The following FHIT variants were observed in gnomAD, a reference collection of about 807,000 sequenced individuals.
FHIT encodes fragile histidine triad diadenosine triphosphatase, also known as bis(5'-adenosyl)-triphosphatase.
Under a neutral mutation model 17.9 loss-of-function variants are expected in FHIT, and 19 were observed. The observed-to-expected ratio is 1.06, with a 90% CI of 0.74 to 1.56. The LOEUF (loss-of-function observed/expected upper bound fraction) is 1.56. FHIT is among the 40% of genes most tolerant of loss of function. The pLI is 0.00. For synonymous variants in FHIT, 81 were observed against 69.7 expected (o/e 1.16, Z -0.81); for missense variants, 248 against 189.2 (o/e 1.31, Z -1.82).
intron 2 of FHIT, among the ~76,000 whole-genome samples, chr3:61,163,076 G>C (rs1212978304): frequency 6.6e-6 from 1 of 152,128 alleles, no homozygotes; most frequent in Non-Finnish European, 1.5e-5. Context: ...TTGTAGGACT[G>C]TGCTGTACTC....
intron 2 of FHIT, among the ~76,000 whole-genome samples, chr3:61,061,715 A>AT (rs1186490625): frequency 6.6e-6 from 1 of 152,112 alleles, no homozygotes; most frequent in African/African-American, 2.4e-5. Context: ...CGGGAGGAAT[A>AT]TTGTAACTCC....
chr3:59,961,459 G>A (rs183715613), intron 7 of FHIT, among the ~76,000 whole-genome samples: 4 of 152,212 alleles, frequency 2.6e-5, no homozygotes, highest in East Asian at 1.9e-4. Context: ...ACTGATGTAC[G>A]GGTAAAAAAC....
intron 7 of FHIT, among the ~76,000 whole-genome samples, chr3:59,979,054 T>C (rs372922156): frequency 1.3e-5 from 2 of 152,078 alleles, no homozygotes; most frequent in Admixed American, 6.6e-5. Flanking sequence ...TTCTGTGAAA[T>C]TGTTAGGGTG....
intron 3 of FHIT, among the ~76,000 whole-genome samples, chr3:60,862,153 T>A (rs2107006387): frequency 6.6e-6 from 1 of 152,118 alleles, no homozygotes; most frequent in East Asian, 1.9e-4. Context: ...GAAAGGTAAA[T>A]AAAAATATGG....
intron 3 of FHIT, among the ~76,000 whole-genome samples, chr3:61,008,572 G>T (rs953756165): frequency 6.6e-6 from 1 of 152,136 alleles, no homozygotes; most frequent in Admixed American, 6.5e-5. Flanking sequence ...ACAGTTATTG[G>T]GTTGAGTCTA....
chr3:60,712,689 C>T (rs1166582542), intron 4 of FHIT, among the ~76,000 whole-genome samples: 1 of 151,390 alleles, frequency 6.6e-6, no homozygotes, highest in Non-Finnish European at 1.5e-5. Flanking sequence ...AAGCCCATTA[C>T]ATAATGGTAA....
chr3:61,055,446 A>G (rs555327545), intron 2 of FHIT, among the ~76,000 whole-genome samples: 6 of 152,316 alleles, frequency 3.9e-5, no homozygotes, highest in African/African-American at 1.4e-4. Context: ...CAGGTTAGTC[A>G]TAGAGAATTC....
chr3:60,937,391 T>A (rs1220446437), intron 3 of FHIT, among the ~76,000 whole-genome samples: 3 of 152,160 alleles, frequency 2.0e-5, no homozygotes, highest in Non-Finnish European at 2.9e-5. Flanking sequence ...TCATTTAGAT[T>A]CGTGCTCCAA....
chr3:59,776,652 T>C (rs1230817997), intron 8 of FHIT, among the ~76,000 whole-genome samples: 1 of 152,120 alleles, frequency 6.6e-6, no homozygotes, highest in Non-Finnish European at 1.5e-5. Context: ...CTCCCTACAG[T>C]CCAGCATCAT....
intron 5 of FHIT, among the ~76,000 whole-genome samples, chr3:60,361,981 G>C (rs6780740): frequency 0.073 from 11,152 of 152,174 alleles, 789 homozygotes; most frequent in African/African-American, 0.19. Context: ...AACTCAAGAT[G>C]TGCAGCATCA....
At chr3:61,156,238 T>C (rs773881662) in intron 2 of FHIT, among the ~76,000 whole-genome samples, 1 of 152,220 alleles carries the variant, frequency 6.6e-6, no homozygotes, top group Non-Finnish European at 1.5e-5. Flanking sequence ...TACAACTATA[T>C]GTTGAGTCCT....
At chr3:60,627,770 C>T (rs1422157608) in intron 4 of FHIT, among the ~76,000 whole-genome samples, 1 of 152,216 alleles carries the variant, frequency 6.6e-6, no homozygotes, top group Admixed American at 6.5e-5. Context: ...GATCCGCCCA[C>T]CTCAGCCTCC....
intron 5 of FHIT, among the ~76,000 whole-genome samples, chr3:60,266,683 C>T (rs1022970063): frequency 6.6e-6 from 1 of 152,006 alleles, no homozygotes; most frequent in African/African-American, 2.4e-5. Flanking sequence ...TGGCCAGTGA[C>T]TTAAGCTTTG....
chr3:60,288,942 T>G (rs1707855168), intron 5 of FHIT, among the ~76,000 whole-genome samples: 1 of 152,182 alleles, frequency 6.6e-6, no homozygotes. Context: ...AAGTCACAAG[T>G]ACTGCCAATG....
chr3:59,885,644 T>G (rs949880605), intron 8 of FHIT, among the ~76,000 whole-genome samples: 10 of 152,140 alleles, frequency 6.6e-5, no homozygotes, highest in Admixed American at 5.2e-4. Context: ...CTCTGCTACT[T>G]TGAATGCTGC....
At chr3:60,761,707 C>A (rs1553719961) in intron 4 of FHIT, among the ~76,000 whole-genome samples, 1 of 149,034 alleles carries the variant, frequency 6.7e-6, no homozygotes. Flanking sequence ...TCAACTGTGA[C>A]AATGATAGTG....
intron 4 of FHIT, among the ~76,000 whole-genome samples, chr3:60,764,188 G>T (rs987957867): frequency 1.3e-5 from 2 of 152,084 alleles, no homozygotes; most frequent in African/African-American, 2.4e-5. Context: ...GGGGCTTGGA[G>T]TTGATGGGGC....
At position 60,895,200 on chromosome 3, in the gene FHIT, G is replaced by A. The variant is rs1553761604; in HGVS notation, c.-110-73189C>T. Among the ~76,000 whole-genome samples the A allele has an allele frequency of 2.0e-5, 3 of 152,122 alleles. No individual in the cohort carries two copies. The South Asian group carries it at 6.2e-4, about 31-fold the overall frequency. On this transcript the variant is annotated intron_variant, in intron 3 of 9. Transcript: ENST00000492590. The stretch of plus-strand genomic sequence containing the variant: ...GTGGCTTTTCAGAGAATCTATGCTG[G>A]TCTGACTGTTATATGAGGATTAGAT...
At chr3:60,706,323 G>A (rs192995291) in intron 4 of FHIT, among the ~76,000 whole-genome samples, 1 of 152,230 alleles carries the variant, frequency 6.6e-6, no homozygotes, top group East Asian at 1.9e-4. Context: ...GTTGATGGGT[G>A]CAGCAAACCA....
Sources: allele counts gnomAD v4.1 joint callset (sites outside exome capture counted in the v4.1 genomes callset), GRCh38; gene constraint gnomAD v4.1.1; transcripts MANE v1.5; gene names NCBI Gene and HGNC (gene_info 2026-07-23, HGNC 2026-07-21).